The following GRIN3A variants were observed in gnomAD, a reference collection of about 807,000 sequenced individuals.
GRIN3A encodes the protein glutamate ionotropic receptor NMDA type subunit 3A.
GRIN3A carries 47 observed loss-of-function variants against 92.4 expected under a neutral mutation model. The ratio of observed to expected loss-of-function variants is 0.51; its 90% confidence interval spans 0.40 to 0.65. The LOEUF (loss-of-function observed/expected upper bound fraction) is 0.65, where lower values mean the gene tolerates loss of function less well. Among genes scored for constraint, GRIN3A ranks in the 30% least tolerant of loss-of-function variants. GRIN3A has a pLI of 0.00. For missense variants in GRIN3A, 1,324 were observed against 1,393.1 expected (o/e 0.95, Z 0.79); for synonymous variants, 527 against 540.6 (o/e 0.97, Z 0.35).
intron 6 of GRIN3A, 95 bp from the exon 7 acceptor site, chr9:101,579,455 T>C: frequency 8.1e-7 from 1 of 1,234,896 alleles, no homozygotes; most frequent in South Asian, 1.3e-5. Flanking sequence ...TATTCATTTT[T>C]TCTGGACTCA....
chr9:101,584,979 C>T (rs767105357), intron 6 of GRIN3A, among the ~76,000 whole-genome samples: 2 of 152,148 alleles, frequency 1.3e-5, no homozygotes, highest in African/African-American at 4.8e-5. Flanking sequence ...CCATTCCACA[C>T]CTCCCAGCAC....
intron 2 of GRIN3A, among the ~76,000 whole-genome samples, chr9:101,678,804 TC>T (rs376316402): frequency 6.9e-4 from 105 of 152,334 alleles, no homozygotes; most frequent in African/African-American, 2.5e-3. Flanking sequence ...AATCTCTTTT[TC>T]TTGCTTCCAT....
At chr9:101,704,609 C>A (rs1387676437) in intron 1 of GRIN3A, among the ~76,000 whole-genome samples, 2 of 152,136 alleles carry the variant, frequency 1.3e-5, no homozygotes, top group African/African-American at 2.4e-5. Flanking sequence ...CCATGCTGGG[C>A]AACAGCAGTG....
chr9:101,726,545 C>T (rs893985737), intron 1 of GRIN3A, among the ~76,000 whole-genome samples: 1 of 152,104 alleles, frequency 6.6e-6, no homozygotes, highest in African/African-American at 2.4e-5. Flanking sequence ...GTTTCTCTTC[C>T]TTTGCAACAG....
intron 6 of GRIN3A, among the ~76,000 whole-genome samples, chr9:101,588,727 A>C (rs1186411952): frequency 3.3e-5 from 5 of 152,110 alleles, no homozygotes; most frequent in Non-Finnish European, 5.9e-5. Flanking sequence ...TAAACATAGG[A>C]TATAACAAGT....
At chr9:101,674,854 A>G (rs184772605) in intron 2 of GRIN3A, among the ~76,000 whole-genome samples, 1 of 152,144 alleles carries the variant, frequency 6.6e-6, no homozygotes, top group East Asian at 1.9e-4. Context: ...GGGTAGAAAA[A>G]TATTAGAAAA....
chr9:101,623,499 A>T (rs920796782), intron 4 of GRIN3A, 66 bp from the exon 5 acceptor site: 1 of 1,163,874 alleles, frequency 8.6e-7, no homozygotes, highest in African/African-American at 1.5e-5. Flanking sequence ...ATGAAGGCTG[A>T]CAGCCGGCTT....
At chr9:101,643,335 C>A (rs1399401183) in intron 3 of GRIN3A, among the ~76,000 whole-genome samples, 1 of 152,036 alleles carries the variant, frequency 6.6e-6, no homozygotes, top group East Asian at 1.9e-4. Flanking sequence ...AAACGCAAAT[C>A]AAAACCACAA....
intron 1 of GRIN3A, among the ~76,000 whole-genome samples, chr9:101,714,636 G>A (rs1208384121): frequency 6.6e-6 from 1 of 151,982 alleles, no homozygotes; most frequent in African/African-American, 2.4e-5. Context: ...ATAAACAAGA[G>A]AACCCCAACC....
chr9:101,624,255 G>T (rs971910027), intron 4 of GRIN3A, among the ~76,000 whole-genome samples: 1 of 150,702 alleles, frequency 6.6e-6, no homozygotes, highest in Admixed American at 6.6e-5. Flanking sequence ...TTAAGTTTTA[G>T]GGTACATGTG....
At chr9:101,699,950 T>A (rs1018617546) in intron 1 of GRIN3A, among the ~76,000 whole-genome samples, 2 of 152,146 alleles carry the variant, frequency 1.3e-5, no homozygotes, top group Non-Finnish European at 2.9e-5. Context: ...CAACTCCCAG[T>A]CAACTTTCAA....
At chr9:101,675,233 A>G (rs191391104) in intron 2 of GRIN3A, among the ~76,000 whole-genome samples, 12 of 152,066 alleles carry the variant, frequency 7.9e-5, no homozygotes, top group Admixed American at 2.0e-4. Context: ...TTACTAATGA[A>G]TTTTTCTTTA....
At chr9:101,648,918 A>G (rs185396457) in intron 3 of GRIN3A, among the ~76,000 whole-genome samples, 73 of 151,712 alleles carry the variant, frequency 4.8e-4, no homozygotes, top group African/African-American at 1.6e-3. Context: ...TTTTCCCATT[A>G]TGGGAAGAAC....
intron 2 of GRIN3A, among the ~76,000 whole-genome samples, chr9:101,677,418 GT>G (rs1467685473): frequency 6.6e-6 from 1 of 151,128 alleles, no homozygotes; most frequent in Non-Finnish European, 1.5e-5. Flanking sequence ...CTTTTTAGTG[GT>G]TTTTGTATAG....
At chr9:101,641,048 T>C (rs1384870829) in intron 3 of GRIN3A, among the ~76,000 whole-genome samples, 4 of 152,172 alleles carry the variant, frequency 2.6e-5, no homozygotes, top group Non-Finnish European at 5.9e-5. Context: ...CTCTGGTGAC[T>C]AGATAGTATC....
At chr9:101,585,461 A>G (rs1827938288) in intron 6 of GRIN3A, among the ~76,000 whole-genome samples, 1 of 152,144 alleles carries the variant, frequency 6.6e-6, no homozygotes, top group African/African-American at 2.4e-5. Flanking sequence ...TACTTAGGTA[A>G]TGAACGGACA....
intron 6 of GRIN3A, among the ~76,000 whole-genome samples, chr9:101,604,963 A>G (rs1481944302): frequency 6.6e-6 from 1 of 152,156 alleles, no homozygotes; most frequent in African/African-American, 2.4e-5. Flanking sequence ...ATAGGTAAAC[A>G]CATATTAATA....
intron 3 of GRIN3A, among the ~76,000 whole-genome samples, chr9:101,642,990 T>C (rs1828886434): frequency 6.6e-6 from 1 of 152,134 alleles, no homozygotes; most frequent in Non-Finnish European, 1.5e-5. Flanking sequence ...TATTTCATTA[T>C]ATATTACAAT....
At chr9:101,632,355 G>A (rs1828726722) in intron 3 of GRIN3A, among the ~76,000 whole-genome samples, 1 of 152,274 alleles carries the variant, frequency 6.6e-6, no homozygotes, top group East Asian at 1.9e-4. Context: ...CCATGAGGAT[G>A]GTGCCCATAG....
Sources: allele counts gnomAD v4.1 joint callset (sites outside exome capture counted in the v4.1 genomes callset), GRCh38; gene constraint gnomAD v4.1.1; transcripts MANE v1.5; gene names NCBI Gene and HGNC (gene_info 2026-07-23, HGNC 2026-07-21).